The following ERI3 variants were observed in gnomAD, a reference collection of about 807,000 sequenced individuals.
ERI3 encodes the protein ERI1 exoribonuclease family member 3.
In ERI3, 18 loss-of-function variants were observed where a neutral mutation model predicts 44.4. The observed-to-expected ratio is 0.41, with a 90% CI of 0.28 to 0.60. The LOEUF (loss-of-function observed/expected upper bound fraction) is 0.60. ERI3 is among the 20% of genes least tolerant of loss of function. ERI3 has a pLI of 0.36. For missense variants in ERI3, 294 were observed against 435.5 expected (o/e 0.68, Z 2.89); for synonymous variants, 183 against 164.8 (o/e 1.11, Z -0.84).
chr1:44,243,408 C>G (rs909924113), intron 8 of ERI3: 1 of 152,404 alleles, frequency 6.6e-6, no homozygotes, highest in Non-Finnish European at 1.5e-5. Flanking sequence ...ACTGACATTT[C>G]CTGTGCAGAT....
chr1:44,287,115 G>A lies in ERI3; in HGVS notation c.759-2208C>T, dbSNP rs115191548. 7.5e-3 allele frequency among the ~76,000 whole-genome samples: 1,140 copies of A among 152,278 alleles called. 9 individuals are homozygous for A. The highest frequency in any genetic ancestry group is 0.025 in the African/African-American group (1,057 of 41,556). ...TTTGAGTTTGAAATGTAAATCATTA[G>A]TGTCAACTGCCATAGAGTGGTCAAG... On this transcript the variant is annotated intron_variant, in intron 6 of 8. Transcript: ENST00000372257.
At chr1:44,224,528 G>T (rs527265167) in intron 8 of ERI3, among the ~76,000 whole-genome samples, 21 of 152,370 alleles carry the variant, frequency 1.4e-4, no homozygotes, top group Admixed American at 1.2e-3. Context: ...CTCCACTAGG[G>T]TGATAATGGC....
chr1:44,241,112 A>AT lies in ERI3; in HGVS notation c.931+6826dup, dbSNP rs1644423867. On this transcript the variant is annotated intron_variant, in intron 8 of 8. Transcript: ENST00000372257. The surrounding 1 kb of genome is among the most constrained non-coding windows in gnomAD (Gnocchi z 5.6). The stretch of plus-strand genomic sequence containing the variant: ...GCTGTCTGTGCCACTCTAGGGATTG[A>AT]TTCTCAGGGTACCAGGAACTGGGGG... 6.6e-6 allele frequency among the ~76,000 whole-genome samples: 1 copy of AT among 152,088 alleles called. No individual in the cohort carries two copies. The highest frequency in any genetic ancestry group is 2.4e-5 in the African/African-American group (1 of 41,396).
chr1:44,229,596 A>G (rs1176037933), intron 8 of ERI3, among the ~76,000 whole-genome samples: 3 of 152,172 alleles, frequency 2.0e-5, no homozygotes, highest in Non-Finnish European at 4.4e-5. Context: ...AGGACCTGAG[A>G]GGCTATAATG....
chr1:44,229,670 G>A (rs1248046202), intron 8 of ERI3, among the ~76,000 whole-genome samples: 1 of 152,174 alleles, frequency 6.6e-6, no homozygotes, highest in Admixed American at 6.5e-5. Flanking sequence ...TCCCTTGTGG[G>A]CCCGCCCTAA....
intron 7 of ERI3, among the ~76,000 whole-genome samples, chr1:44,259,013 G>A (rs1396696916): frequency 6.6e-6 from 1 of 152,102 alleles, no homozygotes; most frequent in South Asian, 2.1e-4. Flanking sequence ...GAGAGTGCAC[G>A]CTTTGGAATC....
At chr1:44,349,884 C>T (rs1646856376) in intron 2 of ERI3, among the ~76,000 whole-genome samples, 1 of 152,120 alleles carries the variant, frequency 6.6e-6, no homozygotes, top group African/African-American at 2.4e-5. Context: ...AGACCTCCTA[C>T]AAAAGAAAAG....
chr1:44,247,922 T>C lies in ERI3; in HGVS notation c.931+17A>G. On this transcript the variant is annotated intron_variant, in intron 8 of 8. Transcript: ENST00000372257. ...ACGATGGATGGAGCTGCCGGGGGAA[T>C]ATGCGAAGGGACTGACCAATGCCGC... 2 of 1,594,536 alleles carry C rather than the reference T, an allele frequency of 1.3e-6. No homozygotes were observed. Among genetic ancestry groups the C allele is most frequent in the East Asian group, 2.3e-5 (1 of 43,794 alleles).
At chr1:44,223,172 G>A (rs1328794444) in intron 8 of ERI3, among the ~76,000 whole-genome samples, 1 of 152,202 alleles carries the variant, frequency 6.6e-6, no homozygotes, top group African/African-American at 2.4e-5. Flanking sequence ...GCAGAACAGT[G>A]GAAAGACAGA....
At chr1:44,270,734 C>A (rs765097848) in intron 7 of ERI3, among the ~76,000 whole-genome samples, 4 of 151,832 alleles carry the variant, frequency 2.6e-5, no homozygotes, top group Non-Finnish European at 4.4e-5. Flanking sequence ...TATAAGAACT[C>A]CAGAGGAGAG....
chr1:44,225,491 T>C (rs907194364), intron 8 of ERI3, among the ~76,000 whole-genome samples: 1 of 152,164 alleles, frequency 6.6e-6, no homozygotes, highest in Non-Finnish European at 1.5e-5. Context: ...CCTCTCCTCT[T>C]CTTTTTTGGG....
At chr1:44,253,358 T>C (rs537449095) in intron 7 of ERI3, among the ~76,000 whole-genome samples, 1 of 152,196 alleles carries the variant, frequency 6.6e-6, no homozygotes, top group South Asian at 2.1e-4. Flanking sequence ...TTCCTCCAGG[T>C]ATATCTGAGA....
intron 7 of ERI3, among the ~76,000 whole-genome samples, chr1:44,257,228 C>T (rs1572128344): frequency 6.6e-6 from 1 of 152,064 alleles, no homozygotes; most frequent in East Asian, 1.9e-4. Context: ...TTTTTTTAAT[C>T]GTGCACTAAT....
intron 6 of ERI3, among the ~76,000 whole-genome samples, chr1:44,292,197 T>TG (rs1044236966): frequency 2.6e-5 from 4 of 152,028 alleles, no homozygotes; most frequent in Non-Finnish European, 5.9e-5. Context: ...GAAGGCTTGC[T>TG]GGGGGTGACA....
At chr1:44,272,135 C>T (rs1177895195) in intron 7 of ERI3, among the ~76,000 whole-genome samples, 4 of 152,196 alleles carry the variant, frequency 2.6e-5, no homozygotes, top group East Asian at 1.9e-4. Context: ...CTCAGGTCAA[C>T]TCTAGAAGGT....
At chr1:44,349,912 T>C (rs1025538276) in intron 2 of ERI3, among the ~76,000 whole-genome samples, 3 of 152,142 alleles carry the variant, frequency 2.0e-5, no homozygotes, top group East Asian at 3.9e-4. Flanking sequence ...AAAGGGAAAG[T>C]GCAGACATGG....
chr1:44,290,721 C>A (rs771007643), intron 6 of ERI3, among the ~76,000 whole-genome samples: 35 of 152,100 alleles, frequency 2.3e-4, no homozygotes, highest in Non-Finnish European at 4.4e-4. Flanking sequence ...ATAAACAGAC[C>A]CTGGGTGATA....
At chr1:44,259,689 G>GACACAC (rs58901342) in intron 7 of ERI3, among the ~76,000 whole-genome samples, 15,980 of 140,264 alleles carry the variant, frequency 0.11, 978 homozygotes, top group East Asian at 0.17. Flanking sequence ...AAAACACACA[G>GACACAC]ACACACACAC....
At chr1:44,342,846 TATATATATA>T in intron 2 of ERI3, among the ~76,000 whole-genome samples, 1 of 34,526 alleles carries the variant, frequency 2.9e-5, no homozygotes, top group African/African-American at 1.4e-4. Flanking sequence ...TATATATATA[TATATATATA>T]TATTTTTTTT....
Sources: allele counts gnomAD v4.1 joint callset (sites outside exome capture counted in the v4.1 genomes callset), GRCh38; gene constraint gnomAD v4.1.1; non-coding constraint Gnocchi (gnomAD v3.1); transcripts MANE v1.5; gene names NCBI Gene and HGNC (gene_info 2026-07-23, HGNC 2026-07-21).